The following ACAP1 variants were observed in gnomAD, a reference collection of about 807,000 sequenced individuals.
ACAP1 encodes ArfGAP with coiled-coil, ankyrin repeat and PH domains 1.
Under a neutral mutation model 98.8 loss-of-function variants are expected in ACAP1, and 45 were observed. That is an observed-to-expected ratio of 0.46 (90% CI 0.36 to 0.58). ACAP1 has a LOEUF of 0.58. Among genes scored for constraint, ACAP1 ranks in the 20% least tolerant of loss-of-function variants. ACAP1 has a pLI of 0.00. For synonymous variants in ACAP1, 362 were observed against 375.3 expected, an observed-to-expected ratio of 0.96 and a Z score of 0.41; for missense variants, 735 against 971.4, an observed-to-expected ratio of 0.76 and a Z score of 3.24.
At chr17:7,337,594 C>T (rs1361714119) in intron 2 of ACAP1, among the ~76,000 whole-genome samples, 2 of 152,196 alleles carry the variant, frequency 1.3e-5, no homozygotes, top group Non-Finnish European at 1.5e-5. Context: ...TAGCTCATGC[C>T]TGTAATCCCA....
chr17:7,346,222 T>C, intron 10 of ACAP1, 22 bp from the exon 11 acceptor site: 1 of 1,613,394 alleles, frequency 6.2e-7, no homozygotes, highest in Non-Finnish European at 8.5e-7. Context: ...CCTATGTCTG[T>C]AATGATTTCC....
chr17:7,342,340 A>G lies in ACAP1; in HGVS notation c.285+12A>G, dbSNP rs369861537. 2.9e-5 allele frequency: 47 copies of G among 1,613,936 alleles called. No individual in the cohort carries two copies. In the Middle Eastern group the frequency reaches 4.9e-4, roughly 17 times the overall value. On this transcript the variant is annotated intron_variant, in intron 4 of 21. Transcript: ENST00000158762. ...TGGACAGCCATGCGGTAAGTAGGGG[A>G]AGGTAAGGATTGTCGGGGTGGTGGC...
At position 7,348,167 on chromosome 17, in the gene ACAP1, A is replaced by G; in HGVS notation, c.1454A>G (p.Tyr485Cys). The change falls in exon 16 of 22, where the codon TAT becomes TGT. Residue 485 changes from tyrosine (Y) to cysteine (C), a missense_variant. Transcript: ENST00000158762. ...ELGNVIINQI[Y>C]EARVEAMAVK... is the part of the protein sequence containing the mutation. Reference sequence around the variant, plus strand: ...GGAAATGTCATCATCAACCAGATCTATGAGGCCCGCGTGGAGGCCATGGCA... The same window carrying G: ...GGAAATGTCATCATCAACCAGATCTGTGAGGCCCGCGTGGAGGCCATGGCA... 1 of 1,614,068 alleles carries G rather than the reference A, an allele frequency of 6.2e-7. No individual in the cohort carries two copies. The highest frequency in any genetic ancestry group is 1.3e-5 in the African/African-American group (1 of 75,022).
chr17:7,343,997 G>A lies in ACAP1; in HGVS notation c.669+41G>A. ...ACAGCAGGTGGTAGAGGGAGGTTAG[G>A]GACTCCTAACTGGGGGGCCTTGGAC... On this transcript the variant is annotated intron_variant, in intron 8 of 21. Transcript: ENST00000158762. The surrounding 1 kb of genome is among the most constrained non-coding windows in gnomAD (Gnocchi z 4.9). The A allele has an allele frequency of 6.3e-7, 1 of 1,574,902 alleles. No homozygotes were observed. The highest frequency in any genetic ancestry group is 8.6e-7 in the Non-Finnish European group (1 of 1,159,614).
At position 7,350,196 on chromosome 17, in the gene ACAP1, G is replaced by C; in HGVS notation, c.2031G>C (p.Leu677=). Residue 677 remains leucine, a synonymous_variant, in exon 20 of 22, where the codon CTG becomes CTC. Transcript: ENST00000158762. The surrounding 1 kb of genome is among the most constrained non-coding windows in gnomAD (Gnocchi z 4.6). The stretch of plus-strand genomic sequence containing the variant: ...GAGACTCTGAAGGCAGGGACCCTCT[G>C]ACCATCGCCATGGAAACAGCCAACG... ...GARDSEGRDP[L]TIAMETANAD... 2 of 1,614,174 alleles carry C rather than the reference G, an allele frequency of 1.2e-6. No homozygotes were observed. Among genetic ancestry groups the C allele is most frequent in the South Asian group, 1.1e-5 (1 of 91,084 alleles).
rs1277281083 is a variant in ACAP1, at chr17:7,344,546, G to A, written c.752G>A (p.Gly251Asp). 6.4e-7 allele frequency: 1 copy of A among 1,551,180 alleles called. No individual in the cohort carries two copies. Among genetic ancestry groups the A allele is most frequent in the Admixed American group, 2.0e-5 (1 of 51,004 alleles). The change falls in exon 10 of 22, where the codon GGT becomes GAT. Residue 251 changes from glycine to aspartate, a missense_variant. Physicochemically the swap from Gly to Asp is moderately conservative, Grantham distance 94 (BLOSUM62 -1). Coordinates refer to ENST00000158762, the MANE Select transcript of ACAP1 (RefSeq NM_014716.4). The surrounding 1 kb of genome is among the most constrained non-coding windows in gnomAD (Gnocchi z 4.9). ...RHVLLKQKEL[G>D]GEEPEPSLRE... is the part of the protein sequence containing the mutation. ...ATCCTCTTGTGCCTCCAGGAGCTGG[G>A]TGGGGAGGAGCCAGAACCAAGCTTA...
At chr17:7,342,539 G>A in intron 5 of ACAP1, 65 bp downstream of exon 5, 1 of 1,559,910 alleles carries the variant, frequency 6.4e-7, no homozygotes, top group South Asian at 1.1e-5. Context: ...GCCAAGGCGG[G>A]AGGATTGCTT....
chr17:7,340,067 C>A (rs919392082), intron 2 of ACAP1, among the ~76,000 whole-genome samples: 3 of 152,072 alleles, frequency 2.0e-5, no homozygotes, highest in African/African-American at 7.2e-5. Flanking sequence ...TCGAGACCAG[C>A]CTGGGCAACA....
In ACAP1 at chr17:7,350,611, CTTTTT is replaced by C; in HGVS notation, c.2073-328_2073-324del. 8 of 263,912 alleles carry C rather than the reference CTTTTT, an allele frequency of 3.0e-5. No homozygotes were observed. The highest frequency in any genetic ancestry group is 8.8e-5 in the East Asian group (1 of 11,358). The allele number at this position is 263,912 out of a possible 1,614,324, so 16.3% of individuals were successfully genotyped here. Reference sequence around the variant, plus strand: ...AAGTTGTGGGGGAGGTGAGGATAGTCTTTTTTTTTTTTTTTGAGACGGAGTCTCAC... The same window carrying C: ...AAGTTGTGGGGGAGGTGAGGATAGTCTTTTTTTTTTGAGACGGAGTCTCAC... On this transcript the variant is annotated intron_variant, in intron 20 of 21. Coordinates refer to ENST00000158762, the MANE Select transcript of ACAP1 (RefSeq NM_014716.4). This position sits in a 1 kb window ranked among gnomAD's most constrained non-coding sequence, Gnocchi z 4.6.
intron 2 of ACAP1, 105 bp downstream of exon 2, chr17:7,337,474 C>G (rs1261718953): frequency 9.5e-7 from 1 of 1,056,010 alleles, no homozygotes; most frequent in African/African-American, 1.6e-5. Context: ...TTATTGAATA[C>G]TGTGTAGGGG....
At chr17:7,346,588 C>T (rs1043478884) in intron 12 of ACAP1, 97 bp downstream of exon 12, 3 of 1,260,740 alleles carry the variant, frequency 2.4e-6, no homozygotes, top group African/African-American at 3.0e-5. Context: ...CATGCAGCTC[C>T]AGACTTTAAT....
At chr17:7,346,527 T>G (rs779881575) in intron 12 of ACAP1, 36 bp downstream of exon 12, 7 of 1,513,592 alleles carry the variant, frequency 4.6e-6, no homozygotes, top group Non-Finnish European at 6.2e-6. Flanking sequence ...CTCTAATATA[T>G]CTAAACAACT....
At chr17:7,345,122 G>A (rs545109374) in intron 10 of ACAP1, among the ~76,000 whole-genome samples, 1 of 152,030 alleles carries the variant, frequency 6.6e-6, no homozygotes, top group African/African-American at 2.4e-5. Flanking sequence ...GTCATTATAG[G>A]GCCCTATAGA....
chr17:7,351,176 C>A, intron 21 of ACAP1, 119 bp from the exon 22 acceptor site: 1 of 1,095,754 alleles, frequency 9.1e-7, no homozygotes, highest in Non-Finnish European at 1.3e-6. Flanking sequence ...GCAGTGCCCG[C>A]GGCGCGCACG....
intron 21 of ACAP1, 121 bp downstream of exon 21, chr17:7,351,120 T>A: frequency 8.5e-7 from 1 of 1,176,992 alleles, no homozygotes; most frequent in Non-Finnish European, 1.2e-6. Flanking sequence ...AAATGCGTAT[T>A]GGGCGCATGC....
Position 7,336,603 on chromosome 17 carries a change from C to CA in ACAP1, c.-131dup. The CA allele has an allele frequency of 1.1e-6, 1 of 911,286 alleles. No homozygotes were observed. Among genetic ancestry groups the CA allele is most frequent in the Non-Finnish European group, 1.8e-6 (1 of 563,016 alleles). 56.5% of individuals were successfully genotyped at this position (911,286 alleles called of 1,614,324 possible). ...CCCCTTGGGGAAAGAATTGTGCCCCCAGGCCCTTCCCCGCGGAGGTCCCTC... is the reference window on the plus strand; with the variant it reads ...CCCCTTGGGGAAAGAATTGTGCCCCCAAGGCCCTTCCCCGCGGAGGTCCCTC... On this transcript the variant is annotated 5_prime_UTR_variant, in exon 1 of 22. Coordinates refer to ENST00000158762, the MANE Select transcript of ACAP1 (RefSeq NM_014716.4).
chr17:7,350,451 G>T lies in ACAP1; in HGVS notation c.2072+214G>T. 1 of 583,214 alleles carries T rather than the reference G, an allele frequency of 1.7e-6. No individual in the cohort carries two copies. Among genetic ancestry groups the T allele is most frequent in the Non-Finnish European group, 3.1e-6 (1 of 327,124 alleles). The allele number at this position is 583,214 out of a possible 1,614,324, so 36.1% of individuals were successfully genotyped here. On this transcript the variant is annotated intron_variant, in intron 20 of 21. Transcript: ENST00000158762. The surrounding 1 kb of genome is among the most constrained non-coding windows in gnomAD (Gnocchi z 4.6). Reference sequence around the variant, plus strand: ...AGAAGGCAGGCGGGAGGGCGGGCAGGGTGCAAGGATGCTTGGCCCACCCTG... The same window carrying T: ...AGAAGGCAGGCGGGAGGGCGGGCAGTGTGCAAGGATGCTTGGCCCACCCTG...
Position 7,336,667 on chromosome 17 carries a change from G to T in ACAP1, c.-68G>T. On this transcript the variant is annotated 5_prime_UTR_variant, in exon 1 of 22. Coordinates refer to ENST00000158762, the MANE Select transcript of ACAP1 (RefSeq NM_014716.4). Reference sequence around the variant, plus strand: ...TCATCTCCCCTTCCTGGGACAGAAAGTGCCTCCACCTGCATCCCCAGGGGC... The same window carrying T: ...TCATCTCCCCTTCCTGGGACAGAAATTGCCTCCACCTGCATCCCCAGGGGC... 1 of 1,551,730 alleles carries T rather than the reference G, an allele frequency of 6.4e-7. No individual in the cohort carries two copies. The highest frequency in any genetic ancestry group is 8.9e-7 in the Non-Finnish European group (1 of 1,124,322).
intron 10 of ACAP1, chr17:7,346,021 T>G: frequency 1.9e-6 from 1 of 537,576 alleles, no homozygotes. Context: ...TGCTGGAAAG[T>G]TGTCTTCATA....
Sources: allele counts gnomAD v4.1 joint callset (sites outside exome capture counted in the v4.1 genomes callset), GRCh38; gene constraint gnomAD v4.1.1; non-coding constraint Gnocchi (gnomAD v3.1); transcripts MANE v1.5; gene names NCBI Gene and HGNC (gene_info 2026-07-23, HGNC 2026-07-21).